Variants in CHIA observed in about 807,000 individuals in gnomAD.
The protein encoded by CHIA is chitinase acidic, also known as acidic mammalian chitinase.
CHIA carries 47 observed loss-of-function variants against 53.5 expected under a neutral mutation model. That is an observed-to-expected ratio of 0.88 (90% CI 0.70 to 1.12). The LOEUF is 1.12. Ranked by LOEUF, CHIA falls within the 50% of genes most tolerant of loss-of-function variation. CHIA has a pLI of 0.00. For synonymous variants in CHIA, 268 were observed against 222.2 expected, an observed-to-expected ratio of 1.21 and a Z score of -1.83; for missense variants, 652 against 592.2, an observed-to-expected ratio of 1.10 and a Z score of -1.05.
At chr1:111,315,520 A>T in intron 6 of CHIA, 85 bp downstream of exon 6, 1 of 1,387,012 alleles carries the variant, frequency 7.2e-7, no homozygotes, top group Non-Finnish European at 9.8e-7. Context: ...AGGGTAAAAC[A>T]AAACTTGAAT....
intron 1 of CHIA, among the ~76,000 whole-genome samples, chr1:111,295,842 G>A (rs531280918): frequency 1.1e-4 from 16 of 152,294 alleles, no homozygotes; most frequent in African/African-American, 3.4e-4. Flanking sequence ...CTGGAAAATC[G>A]GGACACTCCC....
chr1:111,299,811 T>C (rs1298138916), intron 1 of CHIA, among the ~76,000 whole-genome samples: 1 of 152,232 alleles, frequency 6.6e-6, no homozygotes, highest in Non-Finnish European at 1.5e-5. Flanking sequence ...GCAAATGACA[T>C]GATTGTATAT....
intron 8 of CHIA, 92 bp from the exon 9 acceptor site, chr1:111,318,401 T>G (rs747516188): frequency 9.0e-7 from 1 of 1,116,924 alleles, no homozygotes; most frequent in Non-Finnish European, 1.3e-6. Context: ...ATTAACAGCA[T>G]AGAGTTTTAC....
intron 1 of CHIA, among the ~76,000 whole-genome samples, chr1:111,298,439 C>T (rs1647398162): frequency 6.6e-6 from 1 of 152,206 alleles, no homozygotes; most frequent in Non-Finnish European, 1.5e-5. Context: ...GATTAAGAAA[C>T]TCACTCAAAA....
chr1:111,319,313 C>T lies in CHIA; in HGVS notation c.1036-14C>T. On this transcript the variant is annotated splice_polypyrimidine_tract_variant and intron_variant, in intron 10 of 11. Transcript: ENST00000369740. ...GAAAGCAAGTGATTCCTGTTATCCT[C>T]TTTCTTTAAACAGGCTCAATGGCTT... 6.2e-7 allele frequency: 1 copy of T among 1,614,224 alleles called. No individual in the cohort carries two copies. The highest frequency in any genetic ancestry group is 8.5e-7 in the Non-Finnish European group (1 of 1,180,020).
At chr1:111,307,101 G>A (rs1444942818) in intron 1 of CHIA, among the ~76,000 whole-genome samples, 4 of 152,200 alleles carry the variant, frequency 2.6e-5, no homozygotes, top group South Asian at 2.1e-4. Flanking sequence ...ATTCCTAGGT[G>A]TAAACACTGG....
intron 1 of CHIA, among the ~76,000 whole-genome samples, chr1:111,306,366 G>A (rs1386796925): frequency 1.3e-5 from 2 of 152,002 alleles, no homozygotes. Flanking sequence ...GGAAAAGATG[G>A]GTTATTAAAA....
intron 1 of CHIA, among the ~76,000 whole-genome samples, chr1:111,293,138 GA>G (rs144442363): frequency 0.019 from 2,826 of 152,198 alleles, 81 homozygotes; most frequent in African/African-American, 0.062. Flanking sequence ...TTCTATGTAT[GA>G]TTTTTTTAGG....
chr1:111,291,407 GA>G (rs1661010011), intron 1 of CHIA, among the ~76,000 whole-genome samples: 1 of 152,062 alleles, frequency 6.6e-6, no homozygotes. Flanking sequence ...AACTAACACA[GA>G]AACAGAAAAC....
At chr1:111,318,828 T>C in intron 9 of CHIA, 150 bp downstream of exon 9, 1 of 909,268 alleles carries the variant, frequency 1.1e-6, no homozygotes, top group Non-Finnish European at 1.6e-6. Flanking sequence ...TTCATTTACA[T>C]AATCCAAATG....
At chr1:111,296,650 C>T (rs1047765776) in intron 1 of CHIA, among the ~76,000 whole-genome samples, 3 of 152,164 alleles carry the variant, frequency 2.0e-5, no homozygotes, top group Non-Finnish European at 2.9e-5. Flanking sequence ...ATTCTAAAAT[C>T]CAGAGCACCT....
rs867998770 is a variant in CHIA at position 111,319,364 on chromosome 1, T to C, written c.1073T>C (p.Met358Thr). 8 of 1,614,114 alleles carry C rather than the reference T, an allele frequency of 5.0e-6. No homozygotes were observed. The highest frequency in any genetic ancestry group is 3.3e-4 in the Middle Eastern group (2 of 6,082). The stretch of plus-strand genomic sequence containing the variant: ...AAGCACAACAAATTTGGAGGCGCCA[T>C]GGTCTGGGCCATTGATCTGGATGAC... Reference protein sequence around the residue: ...WLKHNKFGGAMVWAIDLDDFT... With the variant: ...WLKHNKFGGATVWAIDLDDFT... The change falls in exon 11 of 12, where the codon ATG (methionine) becomes ACG (threonine). Residue 358 changes from methionine to threonine, a missense_variant. Physicochemically the swap from Met to Thr is moderately conservative, Grantham distance 81. Coordinates refer to ENST00000369740, the MANE Select transcript of CHIA (RefSeq NM_201653.4).
intron 1 of CHIA, among the ~76,000 whole-genome samples, chr1:111,297,081 G>T (rs964009153): frequency 1.3e-5 from 2 of 152,218 alleles, no homozygotes; most frequent in Non-Finnish European, 2.9e-5. Context: ...CATGTGAAAA[G>T]ACCAAATCTA....
chr1:111,317,930 G>A, intron 7 of CHIA, 56 bp from the exon 8 acceptor site: 2 of 1,612,790 alleles, frequency 1.2e-6, no homozygotes, highest in Admixed American at 1.7e-5. Context: ...TCCTGTGCCT[G>A]CATAGGTGTG....
chr1:111,291,023 T>A (rs1247425302), intron 1 of CHIA, 73 bp downstream of exon 1: 1 of 341,700 alleles, frequency 2.9e-6, no homozygotes, highest in Non-Finnish European at 5.7e-6. Flanking sequence ...ATCAATTTGC[T>A]TATTATATCA....
chr1:111,315,171 C>T (rs1649047821), intron 5 of CHIA, 99 bp from the exon 6 acceptor site: 2 of 820,842 alleles, frequency 2.4e-6, no homozygotes, highest in South Asian at 1.6e-5. Context: ...GGCTGTGGGT[C>T]CTGATGAAGG....
chr1:111,311,187 A>G (rs1557742122), intron 2 of CHIA, among the ~76,000 whole-genome samples: 1 of 152,230 alleles, frequency 6.6e-6, no homozygotes, highest in Admixed American at 6.5e-5. Context: ...TGTAGAAGTC[A>G]GGGAAAGGTA....
chr1:111,319,183 G>A lies in CHIA; in HGVS notation c.979G>A (p.Ala327Thr), dbSNP rs1232977710. Residue 327 changes from alanine to threonine, a missense_variant, in exon 10 of 12, where the codon GCC becomes ACC. By Grantham distance (58) the Ala-to-Thr change is moderately conservative (BLOSUM62 0). Coordinates refer to ENST00000369740, the MANE Select transcript of CHIA (RefSeq NM_201653.4). ...GWDAPQEVPYAYQGNVWVGYD... is the reference protein window; with the variant it reads ...GWDAPQEVPYTYQGNVWVGYD... ...GGATGCCCCTCAGGAAGTGCCTTAT[G>A]CCTATCAGGGCAATGTGTGGGTTGG... 4 of 1,611,490 alleles carry A rather than the reference G, an allele frequency of 2.5e-6. No homozygotes were observed. In the South Asian group the frequency reaches 3.3e-5, roughly 13 times the overall value.
intron 1 of CHIA, among the ~76,000 whole-genome samples, chr1:111,298,064 C>A (rs991191494): frequency 1.3e-5 from 2 of 152,062 alleles, no homozygotes; most frequent in African/African-American, 4.8e-5. Context: ...TATATATGCA[C>A]CCAATACAGA....
Sources: allele counts gnomAD v4.1 joint callset (sites outside exome capture counted in the v4.1 genomes callset), GRCh38; gene constraint gnomAD v4.1.1; transcripts MANE v1.5; gene names NCBI Gene and HGNC (gene_info 2026-07-23, HGNC 2026-07-21).